L3MBTL4: variants seen among roughly 807,000 people sequenced by gnomAD.
The protein encoded by L3MBTL4 is L3MBTL histone methyl-lysine binding protein 4, also known as lethal(3)malignant brain tumor-like protein 4.
In L3MBTL4, 70 loss-of-function variants were observed where a neutral mutation model predicts 84.5. That is an observed-to-expected ratio of 0.83 (90% CI 0.68 to 1.01). The LOEUF is 1.01. L3MBTL4 is among the 50% of genes least tolerant of loss of function. The probability of loss-of-function intolerance (pLI) is 0.00; values close to 1 mark genes in which losing one functional copy is unlikely to be tolerated. For missense variants in L3MBTL4, 715 were observed against 754.8 expected, an observed-to-expected ratio of 0.95 and a Z score of 0.62; for synonymous variants, 274 against 259.8, an observed-to-expected ratio of 1.05 and a Z score of -0.52.
chr18:6,120,423 T>C (rs1290814986), intron 14 of L3MBTL4, among the ~76,000 whole-genome samples: 1 of 152,206 alleles, frequency 6.6e-6, no homozygotes, highest in Non-Finnish European at 1.5e-5. Flanking sequence ...GGCCAGCTTG[T>C]GGAGAAACTT....
At chr18:6,136,198 G>T (rs928194779) in intron 14 of L3MBTL4, among the ~76,000 whole-genome samples, 45 of 152,164 alleles carry the variant, frequency 3.0e-4, no homozygotes, top group African/African-American at 1.1e-3. Flanking sequence ...AATTTTGGGA[G>T]ATACAATTCA....
intron 12 of L3MBTL4, among the ~76,000 whole-genome samples, chr18:6,193,943 T>C (rs1413590561): frequency 2.0e-5 from 3 of 152,130 alleles, no homozygotes; most frequent in Non-Finnish European, 4.4e-5. Context: ...TGCTAATATA[T>C]AATAAAACCC....
At chr18:6,172,589 T>C (rs981247902) in intron 12 of L3MBTL4, among the ~76,000 whole-genome samples, 9 of 152,166 alleles carry the variant, frequency 5.9e-5, no homozygotes, top group Middle Eastern at 3.2e-3. Context: ...ATCCTACTGG[T>C]ATAGGCTCCA....
intron 14 of L3MBTL4, among the ~76,000 whole-genome samples, chr18:6,093,759 A>C (rs766641600): frequency 2.8e-4 from 42 of 152,238 alleles, no homozygotes; most frequent in Admixed American, 8.5e-4. Context: ...TCATCAACAC[A>C]TACGGCATTT....
intron 10 of L3MBTL4, among the ~76,000 whole-genome samples, chr18:6,231,976 G>A (rs1394060665): frequency 6.6e-6 from 1 of 152,078 alleles, no homozygotes; most frequent in Non-Finnish European, 1.5e-5. Context: ...GATCTTACAG[G>A]AAAAGCTTTC....
intron 13 of L3MBTL4, among the ~76,000 whole-genome samples, chr18:6,154,149 C>T (rs1384369455): frequency 6.6e-6 from 1 of 152,078 alleles, no homozygotes; most frequent in African/African-American, 2.4e-5. Context: ...GATTTTCTAT[C>T]TGGATGATCT....
Position 6,189,958 on chromosome 18 carries a change from A to G in L3MBTL4, c.982-18016T>C, listed in dbSNP as rs573619421. Among the ~76,000 whole-genome samples, 5 of 152,356 alleles carry G rather than the reference A, an allele frequency of 3.3e-5. No homozygotes were observed. The South Asian group carries it at 1.0e-3, about 32-fold the overall frequency. ...GAGGAGATAGAAAATGGGCAGAATC[A>G]ATGTCTGAAGAGATGATGGCTGAGA... On this transcript the variant is annotated intron_variant, in intron 12 of 18. Coordinates refer to ENST00000317931, the MANE Select transcript of L3MBTL4 (RefSeq NM_001330559.2).
At chr18:6,079,724 T>C (rs372091517) in intron 16 of L3MBTL4, among the ~76,000 whole-genome samples, 2 of 152,218 alleles carry the variant, frequency 1.3e-5, no homozygotes, top group African/African-American at 4.8e-5. Context: ...TTTTTAAGGC[T>C]TCTTACATGG....
intron 1 of L3MBTL4, among the ~76,000 whole-genome samples, chr18:6,405,172 C>G (rs547735280): frequency 3.6e-4 from 55 of 152,288 alleles, no homozygotes; most frequent in African/African-American, 1.2e-3. Context: ...AGAAATTTTT[C>G]AGTTTTCAAA....
chr18:6,164,141 C>T (rs2043514552), intron 13 of L3MBTL4, among the ~76,000 whole-genome samples: 1 of 152,166 alleles, frequency 6.6e-6, no homozygotes, highest in African/African-American at 2.4e-5. Context: ...GTAGGGGCGC[C>T]CACCATTGCA....
intron 12 of L3MBTL4, among the ~76,000 whole-genome samples, chr18:6,177,476 C>T (rs1427025703): frequency 6.6e-6 from 1 of 152,150 alleles, no homozygotes; most frequent in Non-Finnish European, 1.5e-5. Context: ...AGAAGGAGCA[C>T]AAAGGAAGCT....
At chr18:5,975,154 T>G (rs491298) in intron 16 of L3MBTL4, among the ~76,000 whole-genome samples, 101,431 of 151,932 alleles carry the variant, frequency 0.67, 34,575 homozygotes, top group African/African-American at 0.81. Context: ...TAAAAATATG[T>G]CTGTTTCTTC....
At chr18:6,108,625 A>T (rs528719959) in intron 14 of L3MBTL4, among the ~76,000 whole-genome samples, 1 of 152,194 alleles carries the variant, frequency 6.6e-6, no homozygotes, top group Admixed American at 6.5e-5. Flanking sequence ...TAATTGAAAC[A>T]GTCAATCTCA....
intron 4 of L3MBTL4, among the ~76,000 whole-genome samples, chr18:6,301,189 C>A (rs7236569): frequency 0.19 from 28,810 of 152,020 alleles, 2,861 homozygotes; most frequent in African/African-American, 0.23. Context: ...ACAAAAGCTT[C>A]CTCAACAAAA....
At chr18:6,041,835 C>A (rs2056415036) in intron 16 of L3MBTL4, among the ~76,000 whole-genome samples, 1 of 151,972 alleles carries the variant, frequency 6.6e-6, no homozygotes, top group African/African-American at 2.4e-5. Context: ...AGTGATCTTC[C>A]CATCTCAACC....
In L3MBTL4 at chr18:6,030,768, T is replaced by C. The variant is rs987551368; in HGVS notation, c.1444+50113A>G. On this transcript the variant is annotated intron_variant, in intron 16 of 18. Coordinates refer to ENST00000317931, the MANE Select transcript of L3MBTL4 (RefSeq NM_001330559.2). ...CTATTTCGTTAATTTTCTAAGATTT[T>C]TCTGGCTTGAAGTTTCATTGCATTA... is the stretch of plus-strand genomic sequence containing the variant. 6 of 983,314 alleles carry C rather than the reference T, an allele frequency of 6.1e-6. No individual in the cohort carries two copies. The African/African-American group carries it at 1.0e-4, about 17-fold the overall frequency. 60.9% of individuals were successfully genotyped at this position (983,314 alleles called of 1,614,324 possible).
chr18:5,978,855 C>A (rs1163934626), intron 16 of L3MBTL4, among the ~76,000 whole-genome samples: 1 of 152,188 alleles, frequency 6.6e-6, no homozygotes, highest in Non-Finnish European at 1.5e-5. Context: ...GCAGTGCAAC[C>A]AGTCCAAAAG....
chr18:5,974,078 T>C (rs1027835120), intron 16 of L3MBTL4, among the ~76,000 whole-genome samples: 14 of 152,212 alleles, frequency 9.2e-5, no homozygotes, highest in Admixed American at 9.2e-4. Flanking sequence ...GAAAACAGAA[T>C]ACATAAAACT....
intron 3 of L3MBTL4, among the ~76,000 whole-genome samples, chr18:6,303,824 C>T (rs1055427434): frequency 1.3e-5 from 2 of 152,000 alleles, no homozygotes; most frequent in Non-Finnish European, 2.9e-5. Flanking sequence ...ACCAGCCTGG[C>T]CAACATACTG....
Sources: gnomAD v4.1 joint callset for allele counts (sites outside exome capture counted in the v4.1 genomes callset) on GRCh38, gnomAD v4.1.1 for gene constraint, MANE v1.5 for transcripts, NCBI Gene and HGNC (gene_info 2026-07-23, HGNC 2026-07-21) for gene names.